The following EXOSC4 variants were observed in gnomAD, a reference collection of about 807,000 sequenced individuals.
EXOSC4 encodes the protein exosome complex component RRP41.
A neutral mutation model predicts 20.0 loss-of-function variants in EXOSC4; 14 were observed. That is an observed-to-expected ratio of 0.70 (90% CI 0.46 to 1.09). The LOEUF (loss-of-function observed/expected upper bound fraction) is 1.09. Ranked by LOEUF, EXOSC4 falls within the 50% of genes least tolerant of loss-of-function variation. The probability of loss-of-function intolerance (pLI) is 0.00; values close to 1 mark genes in which losing one functional copy is unlikely to be tolerated. For missense variants in EXOSC4, 337 were observed against 334.0 expected, an observed-to-expected ratio of 1.01 and a Z score of -0.07; for synonymous variants, 148 against 146.4, an observed-to-expected ratio of 1.01 and a Z score of -0.08.
At chr8:144,076,705 G>A (rs1554762767), upstream of EXOSC4, among the ~76,000 whole-genome samples, 3 of 152,200 alleles carry the variant, frequency 2.0e-5, no homozygotes, top group East Asian at 5.8e-4. Flanking sequence ...GTCCTGAGTT[G>A]CTACGGTCAA....
rs1259098310 is a variant in EXOSC4 at position 144,080,633 on chromosome 8, C to T, written c.*32C>T. 7.0e-6 allele frequency: 11 copies of T among 1,582,460 alleles called. No homozygotes were observed. The highest frequency in any genetic ancestry group is 9.4e-6 in the Non-Finnish European group (11 of 1,170,664). On this transcript the variant is annotated 3_prime_UTR_variant, in exon 3 of 3. Coordinates refer to ENST00000316052, the MANE Select transcript of EXOSC4 (RefSeq NM_019037.3). This position sits in a 1 kb window ranked among gnomAD's most constrained non-coding sequence, Gnocchi z 4.9. ...AGCCACCCATGTCCAGAATAAAACC[C>T]TCCTCTGCCCACACACCCCTCACTG...
intron 1 of EXOSC4, 33 bp from the exon 2 acceptor site, chr8:144,079,910 G>A (rs372895890): frequency 2.0e-5 from 32 of 1,604,142 alleles, no homozygotes; most frequent in Non-Finnish European, 2.6e-5. Flanking sequence ...GCTGGAAGGA[G>A]TGGGCCTGGC....
the EXOSC4 span, among the ~76,000 whole-genome samples, chr8:144,072,184 G>T: frequency 6.6e-6 from 1 of 151,780 alleles, no homozygotes; most frequent in African/African-American, 2.4e-5. Context: ...GCCTTGTTTT[G>T]TTTTGTTTTT....
At chr8:144,076,685 C>T (rs1251450846), upstream of EXOSC4, among the ~76,000 whole-genome samples, 1 of 152,224 alleles carries the variant, frequency 6.6e-6, no homozygotes, top group East Asian at 1.9e-4. Context: ...AGACCAACAT[C>T]GTCCTCATTG....
At chr8:144,078,430 C>A (rs1587585817), upstream of EXOSC4, 1 of 270,812 alleles carries the variant, frequency 3.7e-6, no homozygotes, top group East Asian at 6.4e-5. The surrounding 1 kb of genome is among the most constrained non-coding windows in gnomAD (Gnocchi z 4.7). Flanking sequence ...CGCTGCTTCC[C>A]CGATAGCGCC....
chr8:144,069,381 T>C, the EXOSC4 span, among the ~76,000 whole-genome samples: 2 of 152,370 alleles, frequency 1.3e-5, no homozygotes, highest in East Asian at 3.9e-4. Flanking sequence ...TTTACAGGGA[T>C]GGTTCCTTCT....
upstream of EXOSC4, among the ~76,000 whole-genome samples, chr8:144,077,199 T>G (rs1236117264): frequency 2.0e-5 from 3 of 152,084 alleles, no homozygotes; most frequent in Non-Finnish European, 4.4e-5. Context: ...GCGCTGACAT[T>G]GTGCCACGGC....
rs367990298 is a variant in EXOSC4 at position 144,080,567 on chromosome 8, A to G, written c.704A>G (p.His235Arg). The G allele has an allele frequency of 2.5e-6, 4 of 1,599,642 alleles. No homozygotes were observed. The highest frequency in any genetic ancestry group is 2.5e-6 in the Non-Finnish European group (3 of 1,179,880). ...HTLLDRVVRQ[H>R]VREASILLGD ...CTCTTAGATCGAGTGGTCCGGCAGC[A>G]TGTGCGTGAGGCCTCTATCTTGCTG... The change falls in exon 3 of 3, where the codon CAT becomes CGT. Residue 235 changes from histidine (H) to arginine (R), a missense_variant. His to Arg is a conservative substitution (Grantham distance 29). Transcript: ENST00000316052. This position sits in a 1 kb window ranked among gnomAD's most constrained non-coding sequence, Gnocchi z 4.9.
At chr8:144,075,059 TTTTG>T (rs1377993678), upstream of EXOSC4, among the ~76,000 whole-genome samples, 4 of 151,976 alleles carry the variant, frequency 2.6e-5, no homozygotes, top group African/African-American at 7.3e-5. Flanking sequence ...TTTTCTTGGT[TTTTG>T]TTTATTTGTT....
chr8:144,078,899 G>A lies in EXOSC4; in HGVS notation c.171G>A (p.Glu57=). 1 of 1,468,354 alleles carries A rather than the reference G, an allele frequency of 6.8e-7. No individual in the cohort carries two copies. Among genetic ancestry groups the A allele is most frequent in the Non-Finnish European group, 9.0e-7 (1 of 1,105,700 alleles). The allele number at this position is 1,468,354 out of a possible 1,614,324, so 91.0% of individuals were successfully genotyped here. A position where few individuals can be genotyped will look rare whatever the true frequency, so the allele number is the denominator to read the frequency against. Residue 57 remains glutamate (E), a splice_region_variant and synonymous_variant, in exon 1 of 3, where the codon GAG becomes GAA. Coordinates refer to ENST00000316052, the MANE Select transcript of EXOSC4 (RefSeq NM_019037.3). The surrounding 1 kb of genome is among the most constrained non-coding windows in gnomAD (Gnocchi z 4.7). ...TGGCTGTGGTCTACGGCCCGCACGA[G>A]GCGAGTGGGCGCGCGGGATGGGGAA... ...KALAVVYGPH[E]IRGSRARALP...
intron 1 of EXOSC4, 125 bp from the exon 2 acceptor site, chr8:144,079,818 T>G (rs1587587533): frequency 2.2e-6 from 2 of 927,856 alleles, no homozygotes; most frequent in Non-Finnish European, 1.8e-6. Context: ...GGGGGCTTTG[T>G]TTTGGAGGTA....
chr8:144,071,871 C>T, the EXOSC4 span, among the ~76,000 whole-genome samples: 2 of 151,798 alleles, frequency 1.3e-5, no homozygotes, highest in East Asian at 2.0e-4. Context: ...TCTCAGCTAC[C>T]GGGGAGGCTG....
chr8:144,064,218 C>T, the EXOSC4 span, among the ~76,000 whole-genome samples: 7 of 152,254 alleles, frequency 4.6e-5, no homozygotes, highest in African/African-American at 1.4e-4. Context: ...TTCTTTGACC[C>T]GGCCAAGCCC....
Position 144,078,876 on chromosome 8 carries a change from G to T in EXOSC4, c.148G>T (p.Ala50Ser). The change falls in exon 1 of 3, where the codon GCT becomes TCT. Residue 50 changes from alanine to serine, a missense_variant. Physicochemically the swap from Ala to Ser is moderately conservative, Grantham distance 99. Transcript: ENST00000316052. The surrounding 1 kb of genome is among the most constrained non-coding windows in gnomAD (Gnocchi z 4.7). Reference sequence around the variant, plus strand: ...TGAGCAGGGCAACACCAAGGCACTGGCTGTGGTCTACGGCCCGCACGAGGC... The same window carrying T: ...TGAGCAGGGCAACACCAAGGCACTGTCTGTGGTCTACGGCCCGCACGAGGC... ...YIEQGNTKAL[A>S]VVYGPHEIRG... 1.3e-6 allele frequency: 2 copies of T among 1,523,788 alleles called. No homozygotes were observed. The highest frequency in any genetic ancestry group is 1.8e-6 in the Non-Finnish European group (2 of 1,134,378). The allele number at this position is 1,523,788 out of a possible 1,614,324, so 94.4% of individuals were successfully genotyped here.
chr8:144,066,933 C>T, the EXOSC4 span, among the ~76,000 whole-genome samples: 42 of 151,914 alleles, frequency 2.8e-4, no homozygotes, highest in African/African-American at 9.9e-4. Flanking sequence ...ATTAAAAATA[C>T]AAAATTAGCC....
the EXOSC4 span, among the ~76,000 whole-genome samples, chr8:144,065,812 C>CT: frequency 1.9e-3 from 269 of 141,028 alleles, no homozygotes; most frequent in Admixed American, 4.7e-3. Context: ...ATTTTATTTA[C>CT]TTTTTTTTTT....
chr8:144,079,022 T>A lies in EXOSC4; in HGVS notation c.171+123T>A, dbSNP rs1182526295. 5 of 1,122,410 alleles carry A rather than the reference T, an allele frequency of 4.5e-6. No homozygotes were observed. In the East Asian group the frequency reaches 9.7e-5, roughly 22 times the overall value. The allele number at this position is 1,122,410 out of a possible 1,614,324, so 69.5% of individuals were successfully genotyped here. A position where few individuals can be genotyped will look rare whatever the true frequency, so the allele number is the denominator to read the frequency against. On this transcript the variant is annotated intron_variant, in intron 1 of 2. Coordinates refer to ENST00000316052, the MANE Select transcript of EXOSC4 (RefSeq NM_019037.3). The stretch of plus-strand genomic sequence containing the variant: ...GCGCCTCAGTCTACACAGCCGATGC[T>A]CAGCACCGCATCTCACTCGGAGTAA...
upstream of EXOSC4, among the ~76,000 whole-genome samples, chr8:144,076,999 A>T (rs1259878046): frequency 1.0e-4 from 15 of 150,562 alleles, no homozygotes; most frequent in African/African-American, 3.7e-4. Flanking sequence ...TGAACCCAGG[A>T]GGTGGAGGTT....
At chr8:144,074,960 T>C (rs1236006772), upstream of EXOSC4, among the ~76,000 whole-genome samples, 7 of 152,230 alleles carry the variant, frequency 4.6e-5, no homozygotes, top group African/African-American at 1.7e-4. Flanking sequence ...ATGTACATAT[T>C]ACCCAAAGGA....
Sources: allele counts gnomAD v4.1 joint callset (sites outside exome capture counted in the v4.1 genomes callset), GRCh38; gene constraint gnomAD v4.1.1; non-coding constraint Gnocchi (gnomAD v3.1); transcripts MANE v1.5; gene names NCBI Gene and HGNC (gene_info 2026-07-23, HGNC 2026-07-21).